Variants in RIMS1 observed in about 807,000 individuals in gnomAD.
The protein encoded by RIMS1 is regulating synaptic membrane exocytosis protein 1.
A neutral mutation model predicts 214.1 loss-of-function variants in RIMS1; 83 were observed. The ratio of observed to expected loss-of-function variants is 0.39; its 90% CI spans 0.32 to 0.47. The LOEUF (loss-of-function observed/expected upper bound fraction) is 0.47. Among genes scored for constraint, RIMS1 ranks in the 20% least tolerant of loss-of-function variants. The pLI, the probability that RIMS1 is intolerant of heterozygous loss-of-function variation, is 0.99. For missense variants in RIMS1, 2,050 were observed against 2,161.8 expected (o/e 0.95, Z 1.03); for synonymous variants, 793 against 786.8 (o/e 1.01, Z -0.13).
chr6:72,220,606 A>G (rs1033725221), intron 6 of RIMS1, among the ~76,000 whole-genome samples: 16 of 152,118 alleles, frequency 1.1e-4, no homozygotes, highest in African/African-American at 3.9e-4. Context: ...AACAACAATA[A>G]AAAACCTTAG....
chr6:72,310,383 T>C (rs2095447252), intron 27 of RIMS1, among the ~76,000 whole-genome samples: 1 of 152,078 alleles, frequency 6.6e-6, no homozygotes, highest in African/African-American at 2.4e-5. Flanking sequence ...TAGGTATCCT[T>C]GAAATGTGTC....
intron 28 of RIMS1, among the ~76,000 whole-genome samples, chr6:72,332,852 A>G (rs2096718196): frequency 6.6e-6 from 1 of 151,782 alleles, no homozygotes; most frequent in Admixed American, 6.6e-5. Context: ...GAGAGAAGGA[A>G]TCTATTCAGG....
intron 2 of RIMS1, among the ~76,000 whole-genome samples, chr6:72,027,073 A>G (rs1044961115): frequency 3.3e-5 from 5 of 152,212 alleles, no homozygotes; most frequent in South Asian, 4.1e-4. Flanking sequence ...ATGATTTAAA[A>G]TGTACTAATA....
chr6:72,296,289 A>G (rs2094087112), intron 26 of RIMS1, among the ~76,000 whole-genome samples: 1 of 151,886 alleles, frequency 6.6e-6, no homozygotes, highest in Non-Finnish European at 1.5e-5. Context: ...GTTTGTTTGC[A>G]TTTCCCTGCT....
At chr6:72,270,063 T>C (rs1172949168) in intron 22 of RIMS1, among the ~76,000 whole-genome samples, 1 of 152,182 alleles carries the variant, frequency 6.6e-6, no homozygotes, top group Non-Finnish European at 1.5e-5. Context: ...TATTTAGTAC[T>C]GTAGTATGTT....
intron 2 of RIMS1, among the ~76,000 whole-genome samples, chr6:72,043,350 C>T (rs1355624048): frequency 6.6e-6 from 1 of 151,734 alleles, no homozygotes; most frequent in East Asian, 1.9e-4. Context: ...ACTTTAAAAT[C>T]TAGGAAGAAA....
chr6:71,954,118 G>A (rs1348596537), intron 1 of RIMS1, among the ~76,000 whole-genome samples: 6 of 152,122 alleles, frequency 3.9e-5, no homozygotes, highest in African/African-American at 1.4e-4. Flanking sequence ...AGATGTTGCT[G>A]TTAGAAACTG....
In RIMS1 at chr6:72,139,067, T is replaced by C. The variant is rs149398051; in HGVS notation, c.471+39081T>C. ...CTGTTTATATGTATATATATGTAGA[T>C]ACACACACGTAGGTATACATAAAGA... On this transcript the variant is annotated intron_variant, in intron 4 of 33. Coordinates refer to ENST00000521978, the MANE Select transcript of RIMS1 (RefSeq NM_014989.7). 3.1e-3 allele frequency among the ~76,000 whole-genome samples: 475 copies of C among 152,312 alleles called. 4 individuals carry two copies. Among genetic ancestry groups the C allele is most frequent in the African/African-American group, 0.011 (463 of 41,578 alleles).
chr6:72,073,345 T>C (rs1387042325), intron 2 of RIMS1, among the ~76,000 whole-genome samples: 1 of 152,188 alleles, frequency 6.6e-6, no homozygotes, highest in Non-Finnish European at 1.5e-5. Flanking sequence ...TAAACACTTA[T>C]CTCAACGAAA....
intron 30 of RIMS1, chr6:72,391,027 A>AG: frequency 3.8e-6 from 1 of 263,602 alleles, no homozygotes; most frequent in East Asian, 6.8e-5. Context: ...TAGTGTACAA[A>AG]TGCCACAGGT....
intron 4 of RIMS1, among the ~76,000 whole-genome samples, chr6:72,105,875 G>A (rs777685391): frequency 2.0e-5 from 3 of 152,026 alleles, no homozygotes; most frequent in African/African-American, 7.2e-5. Context: ...TAAGCCTCAG[G>A]TCTACTAGAC....
At chr6:72,203,206 C>A (rs1416253603) in intron 6 of RIMS1, among the ~76,000 whole-genome samples, 1 of 152,078 alleles carries the variant, frequency 6.6e-6, no homozygotes, top group Admixed American at 6.5e-5. Context: ...CCAGGATGGT[C>A]TCGATCTCCT....
chr6:72,373,255 C>T (rs1054753755), intron 29 of RIMS1, among the ~76,000 whole-genome samples: 2 of 152,154 alleles, frequency 1.3e-5, no homozygotes, highest in Non-Finnish European at 2.9e-5. Context: ...ATTTTTAGTA[C>T]TGCTTTAGTA....
intron 29 of RIMS1, among the ~76,000 whole-genome samples, chr6:72,356,800 A>G (rs1050635285): frequency 9.9e-5 from 15 of 152,138 alleles, no homozygotes; most frequent in Admixed American, 5.9e-4. Context: ...AAATAAAATG[A>G]GACTTTAGCC....
At chr6:72,010,436 C>G (rs1809981198) in intron 2 of RIMS1, among the ~76,000 whole-genome samples, 1 of 152,320 alleles carries the variant, frequency 6.6e-6, no homozygotes, top group East Asian at 1.9e-4. Context: ...GGGATGCCCT[C>G]TCTCACAGCT....
At chr6:72,100,341 G>A (rs1285386735) in intron 4 of RIMS1, among the ~76,000 whole-genome samples, 1 of 152,014 alleles carries the variant, frequency 6.6e-6, no homozygotes, top group Non-Finnish European at 1.5e-5. Context: ...AAAGGCAGGT[G>A]ATTTGAAACT....
At chr6:72,255,684 A>G (rs2075505950) in intron 16 of RIMS1, among the ~76,000 whole-genome samples, 1 of 152,192 alleles carries the variant, frequency 6.6e-6, no homozygotes, top group Non-Finnish European at 1.5e-5. Flanking sequence ...CCAGAAAATG[A>G]GAAAAAAATT....
intron 29 of RIMS1, among the ~76,000 whole-genome samples, chr6:72,337,753 A>G (rs1329937476): frequency 1.2e-5 from 1 of 80,228 alleles, no homozygotes; most frequent in Non-Finnish European, 2.3e-5. Flanking sequence ...CCCCCACCCC[A>G]CAACAGGCCC....
chr6:72,004,167 A>C (rs1011189266), intron 2 of RIMS1, among the ~76,000 whole-genome samples: 42 of 150,868 alleles, frequency 2.8e-4, no homozygotes, highest in African/African-American at 1.0e-3. Context: ...ATGATTTCCC[A>C]TTTCATCCAT....
Sources: allele counts gnomAD v4.1 joint callset (sites outside exome capture counted in the v4.1 genomes callset), GRCh38; gene constraint gnomAD v4.1.1; transcripts MANE v1.5; gene names NCBI Gene and HGNC (gene_info 2026-07-23, HGNC 2026-07-21).